Variants in KCNB2 observed in about 807,000 individuals in gnomAD.
KCNB2 encodes the protein potassium voltage-gated channel subfamily B member 2, also known as delayed rectifier potassium channel protein.
In KCNB2, 15 loss-of-function variants were observed where a neutral mutation model predicts 61.5. That is an observed-to-expected ratio of 0.24 (90% CI 0.16 to 0.38). The LOEUF is 0.38. KCNB2 is among the 10% of genes least tolerant of loss of function. The probability of loss-of-function intolerance (pLI) is 1.00; values close to 1 mark genes in which losing one functional copy is unlikely to be tolerated. For synonymous variants in KCNB2, 457 were observed against 446.0 expected, an observed-to-expected ratio of 1.02 and a Z score of -0.31; for missense variants, 828 against 1,125.2, an observed-to-expected ratio of 0.74 and a Z score of 3.78.
chr8:72,916,942 C>G (rs2929570), intron 2 of KCNB2, among the ~76,000 whole-genome samples: 89,729 of 151,922 alleles, frequency 0.59, 27,777 homozygotes, highest in Middle Eastern at 0.7. Flanking sequence ...TATGGGCACA[C>G]GATGGGAGAT....
intron 2 of KCNB2, among the ~76,000 whole-genome samples, chr8:72,747,794 C>T (rs967640860): frequency 1.1e-4 from 17 of 152,156 alleles, no homozygotes; most frequent in South Asian, 2.1e-4. Flanking sequence ...GCAAAGGAAA[C>T]GAACAAGATA....
chr8:72,679,911 G>A (rs1585825628), intron 2 of KCNB2, among the ~76,000 whole-genome samples: 1 of 152,128 alleles, frequency 6.6e-6, no homozygotes, highest in Non-Finnish European at 1.5e-5. Context: ...ATAACTTTCT[G>A]TCTGATCCAA....
chr8:72,769,457 T>C (rs574869815), intron 2 of KCNB2, among the ~76,000 whole-genome samples: 1 of 152,116 alleles, frequency 6.6e-6, no homozygotes, highest in Non-Finnish European at 1.5e-5. Flanking sequence ...AATAGAGATA[T>C]GCACAGACAA....
In KCNB2 at chr8:72,695,313, G is replaced by A. The variant is rs149342728; in HGVS notation, c.579+127000G>A. On this transcript the variant is annotated intron_variant, in intron 2 of 2. Coordinates refer to ENST00000523207, the MANE Select transcript of KCNB2 (RefSeq NM_004770.3). Reference sequence around the variant, plus strand: ...GAAGTAGAAGAGTCTTTAACAATGTGTCTTCTACTTAGCAGCCCCTGTCAG... The same window carrying A: ...GAAGTAGAAGAGTCTTTAACAATGTATCTTCTACTTAGCAGCCCCTGTCAG... Among the ~76,000 whole-genome samples, 323 of 152,258 alleles carry A rather than the reference G, an allele frequency of 2.1e-3. 3 individuals carry two copies. Among genetic ancestry groups the A allele is most frequent in the African/African-American group, 7.3e-3 (304 of 41,570 alleles).
At chr8:72,658,108 A>G (rs1585811665) in intron 2 of KCNB2, among the ~76,000 whole-genome samples, 1 of 152,184 alleles carries the variant, frequency 6.6e-6, no homozygotes, top group East Asian at 1.9e-4. Context: ...CAAACTAGAA[A>G]TGATTAAGCT....
intron 2 of KCNB2, among the ~76,000 whole-genome samples, chr8:72,761,441 C>T (rs1485767079): frequency 6.6e-6 from 1 of 152,144 alleles, no homozygotes; most frequent in Non-Finnish European, 1.5e-5. Flanking sequence ...GGGAAAAAAC[C>T]CAGCTCTTTC....
chr8:72,931,762 A>T (rs949992855), intron 2 of KCNB2, among the ~76,000 whole-genome samples: 4 of 152,172 alleles, frequency 2.6e-5, no homozygotes, highest in Admixed American at 6.5e-5. Context: ...CTGTAATCCC[A>T]CCACTTTGAG....
At chr8:72,631,946 G>A (rs1383820176) in intron 2 of KCNB2, among the ~76,000 whole-genome samples, 2 of 152,062 alleles carry the variant, frequency 1.3e-5, no homozygotes, top group Non-Finnish European at 2.9e-5. Flanking sequence ...ATTTTTAAAG[G>A]GTTAAGTGGG....
At chr8:72,769,451 G>GAGAT (rs1356454573) in intron 2 of KCNB2, among the ~76,000 whole-genome samples, 1 of 152,080 alleles carries the variant, frequency 6.6e-6, no homozygotes, top group Non-Finnish European at 1.5e-5. Context: ...TGTTCTAATA[G>GAGAT]AGATATGCAC....
At chr8:72,836,582 C>A (rs7005762) in intron 2 of KCNB2, among the ~76,000 whole-genome samples, 29,973 of 152,096 alleles carry the variant, frequency 0.2, 3,068 homozygotes, top group Admixed American at 0.27. Flanking sequence ...TACTTTTTAT[C>A]TTTGTACCTT....
chr8:72,642,168 A>G (rs549482504), intron 2 of KCNB2, among the ~76,000 whole-genome samples: 62 of 152,260 alleles, frequency 4.1e-4, no homozygotes, highest in Admixed American at 1.7e-3. Context: ...GCATTGAGCT[A>G]TGCTGCCAGC....
chr8:72,713,576 C>G (rs572910207), intron 2 of KCNB2, among the ~76,000 whole-genome samples: 307 of 152,312 alleles, frequency 2.0e-3, no homozygotes, highest in African/African-American at 7.1e-3. Context: ...CCAGCAAACT[C>G]CAACAGACGT....
At chr8:72,540,132 A>C (rs1041883063) in intron 1 of KCNB2, among the ~76,000 whole-genome samples, 4 of 152,218 alleles carry the variant, frequency 2.6e-5, no homozygotes, top group African/African-American at 9.6e-5. Flanking sequence ...AGAGATCAGT[A>C]TATGTGTATA....
chr8:72,906,217 TTTCCACTAAA>T (rs1205160084), intron 2 of KCNB2, among the ~76,000 whole-genome samples: 2 of 152,226 alleles, frequency 1.3e-5, no homozygotes, highest in African/African-American at 4.8e-5. Context: ...CTTTTGCTCT[TTTCCACTAAA>T]AACAATTCAT....
At chr8:72,776,984 A>G (rs1808666857) in intron 2 of KCNB2, among the ~76,000 whole-genome samples, 2 of 152,284 alleles carry the variant, frequency 1.3e-5, no homozygotes, top group East Asian at 1.9e-4. Flanking sequence ...GTGCTATATG[A>G]TGATTTAAAT....
intron 2 of KCNB2, among the ~76,000 whole-genome samples, chr8:72,722,046 C>T (rs937481379): frequency 1.3e-5 from 2 of 152,194 alleles, no homozygotes; most frequent in African/African-American, 2.4e-5. Context: ...AGCTGGGAAC[C>T]CCAGGATCCT....
chr8:72,921,027 G>A (rs1053563229), intron 2 of KCNB2, among the ~76,000 whole-genome samples: 2 of 152,044 alleles, frequency 1.3e-5, no homozygotes, highest in Non-Finnish European at 2.9e-5. Context: ...TTTTTGCAGA[G>A]CGCGGAAGGT....
chr8:72,687,628 T>G (rs1806872661), intron 2 of KCNB2, among the ~76,000 whole-genome samples: 2 of 152,188 alleles, frequency 1.3e-5, no homozygotes, highest in African/African-American at 4.8e-5. Context: ...GGCCACAAAC[T>G]CAATTGTTTC....
intron 2 of KCNB2, among the ~76,000 whole-genome samples, chr8:72,655,873 A>T (rs1197506783): frequency 1.3e-5 from 2 of 152,144 alleles, no homozygotes; most frequent in Non-Finnish European, 2.9e-5. Flanking sequence ...GTTGCTGGGC[A>T]GTCAGTGCTA....
Sources: gnomAD v4.1 joint callset for allele counts (sites outside exome capture counted in the v4.1 genomes callset) on GRCh38, gnomAD v4.1.1 for gene constraint, MANE v1.5 for transcripts, NCBI Gene and HGNC (gene_info 2026-07-23, HGNC 2026-07-21) for gene names.